ROR1: variants seen among roughly 807,000 people sequenced by gnomAD.
ROR1 encodes ROR family WNT receptor 1, also known as inactive tyrosine-protein kinase transmembrane receptor ROR1.
A neutral mutation model predicts 78.8 loss-of-function variants in ROR1; 19 were observed. That is an observed-to-expected ratio of 0.24 (90% CI 0.17 to 0.35). The LOEUF (loss-of-function observed/expected upper bound fraction) is 0.35. ROR1 is among the 10% of genes least tolerant of loss of function. The pLI is 1.00. For missense variants in ROR1, 917 were observed against 1,177.8 expected, an observed-to-expected ratio of 0.78 and a Z score of 3.24; for synonymous variants, 386 against 433.6, an observed-to-expected ratio of 0.89 and a Z score of 1.36.
At chr1:64,129,925 G>C (rs549089428) in intron 4 of ROR1, among the ~76,000 whole-genome samples, 1 of 152,242 alleles carries the variant, frequency 6.6e-6, no homozygotes, top group East Asian at 1.9e-4. Context: ...TTCTGAGTTG[G>C]ACACAAGTAA....
At chr1:63,793,544 G>A (rs1406644051) in intron 1 of ROR1, among the ~76,000 whole-genome samples, 1 of 152,210 alleles carries the variant, frequency 6.6e-6, no homozygotes. Context: ...AATGATCGAT[G>A]AACACCTACT....
intron 7 of ROR1, among the ~76,000 whole-genome samples, chr1:64,155,527 C>T (rs909751561): frequency 8.5e-5 from 13 of 152,306 alleles, no homozygotes; most frequent in African/African-American, 3.1e-4. Context: ...AGGAGCCAAG[C>T]TTGACTGTTT....
intron 2 of ROR1, among the ~76,000 whole-genome samples, chr1:64,034,736 G>A (rs1305183085): frequency 6.6e-6 from 1 of 152,114 alleles, no homozygotes; most frequent in African/African-American, 2.4e-5. Flanking sequence ...CAGAGGGTCA[G>A]GGGATGTGTT....
intron 1 of ROR1, among the ~76,000 whole-genome samples, chr1:63,908,821 C>A (rs1645547221): frequency 6.6e-6 from 1 of 152,216 alleles, no homozygotes; most frequent in Admixed American, 6.5e-5. Flanking sequence ...AGCAGCCAGG[C>A]CTGATCCGGC....
intron 4 of ROR1, among the ~76,000 whole-genome samples, chr1:64,087,336 A>G (rs1010394871): frequency 6.6e-6 from 1 of 152,264 alleles, no homozygotes; most frequent in African/African-American, 2.4e-5. Flanking sequence ...ACCTGTTTGT[A>G]ATAACTGGCT....
chr1:64,180,454 G>T lies in ROR1; in HGVS notation c.*1599G>T, dbSNP rs1204488692. On this transcript the variant is annotated 3_prime_UTR_variant, in exon 9 of 9. Transcript: ENST00000371079. Reference sequence around the variant, plus strand: ...TTTTTAAAAAATACAACTAGCATGAGAAATCAAGAAAATATGTTTACCAAA... The same window carrying T: ...TTTTTAAAAAATACAACTAGCATGATAAATCAAGAAAATATGTTTACCAAA... The T allele has an allele frequency of 6.6e-6, 1 of 152,102 alleles. No individual in the cohort carries two copies. The highest frequency in any genetic ancestry group is 2.4e-5 in the African/African-American group (1 of 41,424). The allele number at this position is 152,102 out of a possible 1,614,324, so 9.4% of individuals were successfully genotyped here.
intron 1 of ROR1, among the ~76,000 whole-genome samples, chr1:63,785,839 T>A (rs928731392): frequency 6.6e-6 from 1 of 152,170 alleles, no homozygotes; most frequent in African/African-American, 2.4e-5. Flanking sequence ...GCAGCAACAA[T>A]TTTCGATGAT....
At chr1:63,881,977 C>T (rs1961207) in intron 1 of ROR1, among the ~76,000 whole-genome samples, 4,255 of 152,134 alleles carry the variant, frequency 0.028, 93 homozygotes, top group Non-Finnish European at 0.045. Context: ...TCTGAGAGAC[C>T]GGCAGGCAGT....
intron 4 of ROR1, among the ~76,000 whole-genome samples, chr1:64,125,648 G>T (rs2762841): frequency 6.6e-6 from 1 of 151,892 alleles, no homozygotes; most frequent in Non-Finnish European, 1.5e-5. Flanking sequence ...CCTTGGACCC[G>T]CCAGCCCCGA....
At chr1:63,952,577 G>A (rs1645948983) in intron 1 of ROR1, among the ~76,000 whole-genome samples, 1 of 152,308 alleles carries the variant, frequency 6.6e-6, no homozygotes, top group Non-Finnish European at 1.5e-5. Flanking sequence ...GAGGGCCTTT[G>A]ACAGACCAGT....
At chr1:63,813,316 G>T (rs1644871308) in intron 1 of ROR1, among the ~76,000 whole-genome samples, 1 of 152,180 alleles carries the variant, frequency 6.6e-6, no homozygotes, top group Non-Finnish European at 1.5e-5. Flanking sequence ...ACATTCAAAT[G>T]CTGCCTTCTC....
intron 1 of ROR1, among the ~76,000 whole-genome samples, chr1:63,861,792 T>C (rs950147703): frequency 9.2e-5 from 14 of 151,982 alleles, no homozygotes; most frequent in African/African-American, 3.4e-4. Flanking sequence ...GTTCAAAAGG[T>C]TTTAGGAAGT....
At chr1:63,799,588 A>G (rs1005210822) in intron 1 of ROR1, among the ~76,000 whole-genome samples, 2 of 151,466 alleles carry the variant, frequency 1.3e-5, no homozygotes, top group African/African-American at 2.4e-5. Flanking sequence ...GAAATGGATT[A>G]TGGTTTTGCA....
At chr1:63,834,289 C>G (rs1216730146) in intron 1 of ROR1, among the ~76,000 whole-genome samples, 1 of 151,746 alleles carries the variant, frequency 6.6e-6, no homozygotes, top group African/African-American at 2.4e-5. Context: ...TGTGGTGTCT[C>G]TAGAAGAATT....
At chr1:63,819,363 C>A (rs1460562020) in intron 1 of ROR1, among the ~76,000 whole-genome samples, 1 of 152,090 alleles carries the variant, frequency 6.6e-6, no homozygotes, top group East Asian at 1.9e-4. Context: ...CAGGTGCATA[C>A]CTTTTGTAAG....
At chr1:63,801,000 A>C (rs1164526196) in intron 1 of ROR1, among the ~76,000 whole-genome samples, 3 of 151,882 alleles carry the variant, frequency 2.0e-5, no homozygotes, top group Non-Finnish European at 4.4e-5. Context: ...GAAATAATAT[A>C]ATGCTCTTGG....
intron 4 of ROR1, among the ~76,000 whole-genome samples, chr1:64,064,494 C>T (rs1557634363): frequency 1.3e-5 from 2 of 152,190 alleles, no homozygotes; most frequent in African/African-American, 2.4e-5. Flanking sequence ...ATCTGCCTTG[C>T]AGATGCTGAC....
At chr1:63,898,752 T>C (rs964899260) in intron 1 of ROR1, among the ~76,000 whole-genome samples, 14 of 151,182 alleles carry the variant, frequency 9.3e-5, no homozygotes, top group African/African-American at 3.2e-4. Context: ...TCCTGAGAGG[T>C]AAGTTGTGTG....
At chr1:64,132,748 G>A (rs552624290) in intron 4 of ROR1, among the ~76,000 whole-genome samples, 5 of 111,290 alleles carry the variant, frequency 4.5e-5, no homozygotes, top group East Asian at 3.0e-4. Flanking sequence ...CAATGGGAGC[G>A]AGACTCCATC....
Sources: allele counts gnomAD v4.1 joint callset (sites outside exome capture counted in the v4.1 genomes callset), GRCh38; gene constraint gnomAD v4.1.1; transcripts MANE v1.5; gene names NCBI Gene and HGNC (gene_info 2026-07-23, HGNC 2026-07-21).